Variants in UTP18 observed in about 807,000 individuals in gnomAD.
UTP18 encodes the protein UTP18 small subunit processome component.
Under a neutral mutation model 61.1 loss-of-function variants are expected in UTP18, and 36 were observed. The ratio of observed to expected loss-of-function variants is 0.59; its 90% CI spans 0.45 to 0.78. The LOEUF (loss-of-function observed/expected upper bound fraction) is 0.78. UTP18 is among the 30% of genes least tolerant of loss of function. The pLI is 0.00. For synonymous variants in UTP18, 282 were observed against 251.1 expected, an observed-to-expected ratio of 1.12 and a Z score of -1.16; for missense variants, 753 against 693.9, an observed-to-expected ratio of 1.09 and a Z score of -0.96.
In UTP18 at chr17:51,288,260, T is replaced by C. The variant is rs1905163915; in HGVS notation, c.1503+57T>C. ...ATTTTTTAAATTTAAGTTGAAAACA[T>C]GCAAGAGTAACAGGAAAGGAGAGCG... On this transcript the variant is annotated intron_variant, in intron 11 of 13. Transcript: ENST00000225298. 6 of 1,455,040 alleles carry C rather than the reference T, an allele frequency of 4.1e-6. No individual in the cohort carries two copies. The East Asian group carries it at 1.4e-4, about 34-fold the overall frequency. The allele number at this position is 1,455,040 out of a possible 1,614,324, so 90.1% of individuals were successfully genotyped here. A position where few individuals can be genotyped will look rare whatever the true frequency, so the allele number is the denominator to read the frequency against.
rs1194185000 is a variant in UTP18, at chr17:51,297,914, T to C, written c.*147T>C. On this transcript the variant is annotated 3_prime_UTR_variant, in exon 14 of 14. Transcript: ENST00000225298. Reference sequence around the variant, plus strand: ...AGCCAGTAATGTCTTAATAAACATGTGGCAGCTTTTGTTTGAAAATAAGTG... The same window carrying C: ...AGCCAGTAATGTCTTAATAAACATGCGGCAGCTTTTGTTTGAAAATAAGTG... 3.3e-6 allele frequency: 1 copy of C among 300,950 alleles called. No individual in the cohort carries two copies. The highest frequency in any genetic ancestry group is 6.3e-6 in the Non-Finnish European group (1 of 159,108). 18.6% of individuals were successfully genotyped at this position (300,950 alleles called of 1,614,324 possible).
chr17:51,277,797 G>A (rs1440408391), intron 7 of UTP18, among the ~76,000 whole-genome samples: 1 of 152,102 alleles, frequency 6.6e-6, no homozygotes, highest in Non-Finnish European at 1.5e-5. Flanking sequence ...AAAAAATAAC[G>A]CTTTTTTAGG....
At chr17:51,288,510 TTCCTTCAC>T in intron 11 of UTP18, 2 of 469,728 alleles carry the variant, frequency 4.3e-6, no homozygotes, top group Non-Finnish European at 8.5e-6. Flanking sequence ...AGACACTTCA[TTCCTTCAC>T]AATTTTCTTT....
intron 9 of UTP18, among the ~76,000 whole-genome samples, chr17:51,280,916 G>A (rs539161182): frequency 5.9e-5 from 9 of 151,966 alleles, no homozygotes; most frequent in Non-Finnish European, 1.2e-4. Context: ...GGTAGCTTAC[G>A]CCTGTAATCC....
At chr17:51,289,156 C>T (rs887748466) in intron 11 of UTP18, among the ~76,000 whole-genome samples, 7 of 151,454 alleles carry the variant, frequency 4.6e-5, no homozygotes, top group African/African-American at 1.7e-4. Context: ...TTCTCCGACA[C>T]TATGCAGTGG....
chr17:51,286,270 C>T (rs1905111655), intron 10 of UTP18, among the ~76,000 whole-genome samples: 1 of 152,160 alleles, frequency 6.6e-6, no homozygotes, highest in Non-Finnish European at 1.5e-5. Context: ...GCATTGGATA[C>T]TTCGCAGTAA....
chr17:51,279,954 T>C, intron 7 of UTP18, 51 bp from the exon 8 acceptor site: 2 of 1,416,264 alleles, frequency 1.4e-6, no homozygotes, highest in East Asian at 2.4e-5. Flanking sequence ...GATGATAGTT[T>C]TATTGAAAAC....
intron 5 of UTP18, among the ~76,000 whole-genome samples, chr17:51,274,824 A>C (rs1227457734): frequency 6.6e-6 from 1 of 152,072 alleles, no homozygotes; most frequent in African/African-American, 2.4e-5. Flanking sequence ...ATGATAAATT[A>C]GATACAGTGA....
At chr17:51,289,487 G>A (rs940063181) in intron 11 of UTP18, among the ~76,000 whole-genome samples, 6 of 151,782 alleles carry the variant, frequency 4.0e-5, no homozygotes, top group African/African-American at 1.5e-4. Flanking sequence ...GATTACAGGA[G>A]TGAGCCGCCG....
intron 11 of UTP18, among the ~76,000 whole-genome samples, chr17:51,293,147 G>T (rs1433980180): frequency 6.6e-6 from 1 of 151,978 alleles, no homozygotes; most frequent in Non-Finnish European, 1.5e-5. Flanking sequence ...CTTTACTGTG[G>T]TCATTAAGCT....
At chr17:51,286,469 C>T (rs1425637905) in intron 10 of UTP18, 1 of 456,142 alleles carries the variant, frequency 2.2e-6, no homozygotes. Context: ...TCTTTGTTCA[C>T]TCTCTCCTTC....
At chr17:51,286,683 C>G (rs1295865722) in intron 10 of UTP18, 1 of 398,818 alleles carries the variant, frequency 2.5e-6, no homozygotes, top group African/African-American at 2.1e-5. Context: ...CCGTGCCAAC[C>G]CTGTAGCGAG....
chr17:51,261,400 C>T (rs1005895553), intron 1 of UTP18, among the ~76,000 whole-genome samples: 2 of 152,190 alleles, frequency 1.3e-5, no homozygotes, highest in African/African-American at 4.8e-5. Context: ...TCGTGTATTC[C>T]GTTCATTTAG....
At chr17:51,291,350 G>A (rs1228225443) in intron 11 of UTP18, among the ~76,000 whole-genome samples, 2 of 152,162 alleles carry the variant, frequency 1.3e-5, no homozygotes, top group African/African-American at 4.8e-5. Flanking sequence ...GATTACACTG[G>A]GGAATTTTGC....
In UTP18 at chr17:51,263,213, A is replaced by G. The variant is rs1164020055; in HGVS notation, c.343-61A>G. 26 of 1,386,798 alleles carry G rather than the reference A, an allele frequency of 1.9e-5. No homozygotes were observed. In the South Asian group the frequency reaches 3.0e-4, roughly 16 times the overall value. 85.9% of individuals were successfully genotyped at this position (1,386,798 alleles called of 1,614,324 possible). On this transcript the variant is annotated intron_variant, in intron 1 of 13. Transcript: ENST00000225298. ...TATGAGCCATTTGGCTGTAAGGCCTATGTGTCTGCAGTCATGGGATAGGAA... is the reference window on the plus strand; with the variant it reads ...TATGAGCCATTTGGCTGTAAGGCCTGTGTGTCTGCAGTCATGGGATAGGAA...
chr17:51,265,085 T>G (rs1026524619), intron 2 of UTP18, among the ~76,000 whole-genome samples: 4 of 152,170 alleles, frequency 2.6e-5, no homozygotes, highest in Non-Finnish European at 5.9e-5. Context: ...CAAACCTTTA[T>G]ATGTTAGATT....
At chr17:51,262,787 A>G (rs1187244847) in intron 1 of UTP18, among the ~76,000 whole-genome samples, 1 of 152,130 alleles carries the variant, frequency 6.6e-6, no homozygotes, top group African/African-American at 2.4e-5. Flanking sequence ...CCTGGGCCCA[A>G]GCAGTCCTCC....
chr17:51,269,246 A>G (rs1904417478), intron 4 of UTP18, among the ~76,000 whole-genome samples: 1 of 139,832 alleles, frequency 7.2e-6, no homozygotes, highest in Non-Finnish European at 1.5e-5. Context: ...GTGATAAGTG[A>G]TAAGTGCCAC....
chr17:51,297,047 C>G, intron 13 of UTP18, 44 bp downstream of exon 13: 2 of 1,523,290 alleles, frequency 1.3e-6, no homozygotes, highest in Non-Finnish European at 9.0e-7. Flanking sequence ...TTTTAAGATA[C>G]ACCCATTGCT....
Sources: allele counts gnomAD v4.1 joint callset (sites outside exome capture counted in the v4.1 genomes callset), GRCh38; gene constraint gnomAD v4.1.1; transcripts MANE v1.5; gene names NCBI Gene and HGNC (gene_info 2026-07-23, HGNC 2026-07-21).